CTCF: variants seen among roughly 807,000 people sequenced by gnomAD.
CTCF encodes the protein CCCTC-binding factor, also known as transcriptional repressor CTCF.
In CTCF, 7 loss-of-function variants were observed where a neutral mutation model predicts 72.3. The observed-to-expected ratio is 0.10, with a 90% CI of 0.06 to 0.18. The LOEUF is 0.18. CTCF is among the 10% of genes least tolerant of loss of function. The pLI is 1.00. For missense variants in CTCF, 516 were observed against 949.1 expected (o/e 0.54, Z 6.00); for synonymous variants, 374 against 315.8 (o/e 1.18, Z -1.95).
chr16:67,576,540 A>G (rs911711173), intron 2 of CTCF, among the ~76,000 whole-genome samples: 4 of 148,808 alleles, frequency 2.7e-5, no homozygotes, highest in African/African-American at 5.0e-5. Context: ...ATACATCCCT[A>G]TAATAGAATG....
rs543583645 is a variant in CTCF at position 67,604,739 on chromosome 16, T to G, written c.-9-6085T>G. 2.5e-3 allele frequency among the ~76,000 whole-genome samples: 333 copies of G among 133,514 alleles called. 2 individuals are homozygous for G. The highest frequency in any genetic ancestry group is 3.2e-3 in the Non-Finnish European group (201 of 63,412). The allele number at this position is 133,514 out of a possible 152,430, so 87.6% of individuals were successfully genotyped here. ...AATTAATTTCACCAGGGTTTTTTTT[T>G]TTTTTGTTTTTTGTTTTTTTTTTTT... On this transcript the variant is annotated intron_variant, in intron 2 of 11. Transcript: ENST00000264010.
At chr16:67,612,233 A>C (rs1323766341) in intron 4 of CTCF, 112 bp downstream of exon 4, 3 of 918,458 alleles carry the variant, frequency 3.3e-6, no homozygotes, top group South Asian at 3.8e-5. Context: ...ATTATTTCTT[A>C]TGATGCCCTT....
intron 2 of CTCF, among the ~76,000 whole-genome samples, chr16:67,574,098 G>A (rs540862825): frequency 1.8e-4 from 28 of 151,946 alleles, no homozygotes; most frequent in African/African-American, 6.0e-4. Context: ...AACAGTGTAT[G>A]CCAACTAGGT....
chr16:67,608,457 A>C (rs116427866), intron 2 of CTCF, among the ~76,000 whole-genome samples: 214 of 152,288 alleles, frequency 1.4e-3, no homozygotes, highest in African/African-American at 4.9e-3. Flanking sequence ...TGCAGTGTCT[A>C]CAAACACGGC....
At chr16:67,597,469 G>T (rs1597700941) in intron 2 of CTCF, among the ~76,000 whole-genome samples, 1 of 152,046 alleles carries the variant, frequency 6.6e-6, no homozygotes, top group Admixed American at 6.6e-5. Context: ...CTCCCGAGTA[G>T]TTGGGATTAC....
In CTCF at chr16:67,575,077, A is replaced by G. The variant is rs116991191; in HGVS notation, c.-10+3813A>G. Among the ~76,000 whole-genome samples the G allele has an allele frequency of 1.7e-3, 257 of 151,640 alleles. 2 individuals are homozygous for G. The highest frequency in any genetic ancestry group is 0.014 in the East Asian group (71 of 5,170). On this transcript the variant is annotated intron_variant, in intron 2 of 11. Coordinates refer to ENST00000264010, the MANE Select transcript of CTCF (RefSeq NM_006565.4). ...TTCCATATGTCCTTGTGGATAGAGG[A>G]AAAAAAAAGAATTACATTTTCTTTA...
rs562844757 is a variant in CTCF, at chr16:67,606,202, T to G, written c.-9-4622T>G. On this transcript the variant is annotated intron_variant, in intron 2 of 11. Transcript: ENST00000264010. ...GTCCTGTGCTTTAAGCCAGTTCTTT[T>G]TCTTACTCATAACTAATTCCCACAT... 2.0e-5 allele frequency among the ~76,000 whole-genome samples: 3 copies of G among 152,292 alleles called. No individual in the cohort carries two copies. In the South Asian group the frequency reaches 6.2e-4, roughly 32 times the overall value.
chr16:67,618,356 C>T (rs376791539), intron 5 of CTCF, among the ~76,000 whole-genome samples: 4 of 152,296 alleles, frequency 2.6e-5, no homozygotes, highest in Admixed American at 6.5e-5. Flanking sequence ...GAGGCAAGAT[C>T]GCACCACTGC....
intron 9 of CTCF, among the ~76,000 whole-genome samples, chr16:67,628,868 G>T (rs1241700265): frequency 6.6e-6 from 1 of 152,154 alleles, no homozygotes; most frequent in Non-Finnish European, 1.5e-5. Context: ...AGACCATCCT[G>T]GCTAACATGG....
At chr16:67,621,714 G>T in intron 7 of CTCF, 123 bp downstream of exon 7, 5 of 534,112 alleles carry the variant, frequency 9.4e-6, no homozygotes, top group Admixed American at 3.4e-5. Context: ...GGAATGGCCT[G>T]TCACTTAGTT....
intron 1 of CTCF, among the ~76,000 whole-genome samples, chr16:67,565,879 A>G (rs757058268): frequency 3.3e-5 from 5 of 152,216 alleles, no homozygotes; most frequent in East Asian, 1.9e-4. Context: ...GGTGGAAGCC[A>G]CTTGTGGCTG....
chr16:67,610,350 C>CTTT (rs1158978403), intron 2 of CTCF, among the ~76,000 whole-genome samples: 3,185 of 121,296 alleles, frequency 0.026, 65 homozygotes, highest in Non-Finnish European at 0.043. Flanking sequence ...TTTTCTTTTT[C>CTTT]TTTTTTTTTT....
chr16:67,570,735 C>G (rs929564172), intron 1 of CTCF: 45 of 148,012 alleles, frequency 3.0e-4, no homozygotes, highest in African/African-American at 1.0e-3. Context: ...GCCACCGCGC[C>G]TGGCCTTTTT....
chr16:67,631,820 C>T (rs979974986), intron 10 of CTCF, among the ~76,000 whole-genome samples: 1 of 151,608 alleles, frequency 6.6e-6, no homozygotes, highest in African/African-American at 2.4e-5. Flanking sequence ...CGCCTGTAAT[C>T]CCAGCACTTC....
At chr16:67,616,975 G>A (rs1567611035) in intron 5 of CTCF, 97 bp downstream of exon 5, 2 of 1,245,068 alleles carry the variant, frequency 1.6e-6, no homozygotes, top group East Asian at 4.7e-5. Flanking sequence ...TTAAGATGAG[G>A]TAGAAAAATG....
At chr16:67,576,534 A>G (rs2051499118) in intron 2 of CTCF, among the ~76,000 whole-genome samples, 1 of 147,938 alleles carries the variant, frequency 6.8e-6, no homozygotes, top group African/African-American at 2.5e-5. Flanking sequence ...ATTATGATAC[A>G]TCCCTATAAT....
chr16:67,628,039 G>A (rs1009457107), intron 8 of CTCF: 2 of 207,046 alleles, frequency 9.7e-6, no homozygotes, highest in African/African-American at 2.3e-5. Context: ...AGGTTGCAGC[G>A]AGCCAAGATC....
chr16:67,620,482 A>G (rs1342962777), intron 5 of CTCF, among the ~76,000 whole-genome samples: 1 of 152,170 alleles, frequency 6.6e-6, no homozygotes, highest in East Asian at 1.9e-4. Flanking sequence ...ATCTTGGCTT[A>G]TCTATACCCG....
At chr16:67,630,820 AG>A (rs1358259491) in intron 10 of CTCF, among the ~76,000 whole-genome samples, 2 of 152,180 alleles carry the variant, frequency 1.3e-5, no homozygotes, top group African/African-American at 4.8e-5. Context: ...GGTAACTTGG[AG>A]GCCACATTTA....
Sources: gnomAD v4.1 joint callset for allele counts (sites outside exome capture counted in the v4.1 genomes callset) on GRCh38, gnomAD v4.1.1 for gene constraint, MANE v1.5 for transcripts, NCBI Gene and HGNC (gene_info 2026-07-23, HGNC 2026-07-21) for gene names.